The following MS4A14 variants were observed in gnomAD, a reference collection of about 807,000 sequenced individuals.
MS4A14 encodes the protein membrane-spanning 4-domains subfamily A member 14.
MS4A14 carries 18 observed loss-of-function variants against 16.7 expected under a neutral mutation model. The ratio of observed to expected loss-of-function variants is 1.08; its 90% CI spans 0.75 to 1.60. MS4A14 has a LOEUF of 1.60. Ranked by LOEUF, MS4A14 falls within the 40% of genes most tolerant of loss-of-function variation. MS4A14 has a pLI of 0.00. For missense variants in MS4A14, 812 were observed against 775.3 expected (o/e 1.05, Z -0.56); for synonymous variants, 305 against 289.4 (o/e 1.05, Z -0.55).
At chr11:60,405,939 T>C (rs761282641) in intron 4 of MS4A14, 1 of 1,534,068 alleles carries the variant, frequency 6.5e-7, no homozygotes, top group African/African-American at 1.4e-5. Context: ...TCAGCATCTC[T>C]GTGACTATTG....
chr11:60,407,426 C>A (rs1218605474), intron 4 of MS4A14, among the ~76,000 whole-genome samples: 1 of 152,174 alleles, frequency 6.6e-6, no homozygotes, highest in East Asian at 1.9e-4. Flanking sequence ...ATTTTCACTT[C>A]TCCTGGAGTG....
At chr11:60,406,769 C>T (rs1169171557) in intron 4 of MS4A14, among the ~76,000 whole-genome samples, 1 of 152,080 alleles carries the variant, frequency 6.6e-6, no homozygotes, top group Non-Finnish European at 1.5e-5. Context: ...TAGTGCATTC[C>T]TAGCATCCCG....
Position 60,397,097 on chromosome 11 carries a change from C to CA in MS4A14, c.138+384dup, listed in dbSNP as rs564066378. ...AAGGCATGCAAAACGTTTTTCATCA[C>CA]AAATGCACCCAGGGGAGAGCTGTAT... On this transcript the variant is annotated intron_variant, in intron 1 of 4. Coordinates refer to ENST00000300187, the MANE Select transcript of MS4A14 (RefSeq NM_032597.5). 3.3e-5 allele frequency among the ~76,000 whole-genome samples: 5 copies of CA among 152,308 alleles called. No homozygotes were observed. The South Asian group carries it at 1.0e-3, about 32-fold the overall frequency.
At chr11:60,407,474 C>A (rs765533487) in intron 4 of MS4A14, among the ~76,000 whole-genome samples, 2 of 152,044 alleles carry the variant, frequency 1.3e-5, no homozygotes, top group Non-Finnish European at 2.9e-5. Flanking sequence ...GTATGGTAAC[C>A]AGATGTTTAA....
Position 60,400,440 on chromosome 11 carries a change from A to G in MS4A14, c.304A>G (p.Lys102Glu). The G allele has an allele frequency of 2.5e-6, 4 of 1,607,054 alleles. No individual in the cohort carries two copies. Among genetic ancestry groups the G allele is most frequent in the South Asian group, 2.2e-5 (2 of 90,336 alleles). The stretch of plus-strand genomic sequence containing the variant: ...AGGATACCTCACAGTAACCGATAAG[A>G]AATCAAAACTTCTGGTAAGCCACTT... ...LTGYLTVTDK[K>E]SKLLGQGVTG... is the part of the protein sequence containing the mutation. The change falls in exon 3 of 5, where the codon AAA becomes GAA. Residue 102 changes from lysine (K) to glutamate (E), a missense_variant. Coordinates refer to ENST00000300187, the MANE Select transcript of MS4A14 (RefSeq NM_032597.5).
chr11:60,403,165 A>C lies in MS4A14; in HGVS notation c.468+104A>C, dbSNP rs149470286. 2.3e-6 allele frequency: 3 copies of C among 1,314,980 alleles called. No homozygotes were observed. The African/African-American group carries it at 4.3e-5, about 19-fold the overall frequency. 81.5% of individuals were successfully genotyped at this position (1,314,980 alleles called of 1,614,324 possible). On this transcript the variant is annotated intron_variant, in intron 4 of 4. Coordinates refer to ENST00000300187, the MANE Select transcript of MS4A14 (RefSeq NM_032597.5). The stretch of plus-strand genomic sequence containing the variant: ...TTATTTTATTAAATGAAGTTGTGTC[A>C]GCATTTGAACTGACGGTTGAGAAGG...
chr11:60,402,412 A>G (rs1023016667), intron 3 of MS4A14, among the ~76,000 whole-genome samples: 2 of 152,152 alleles, frequency 1.3e-5, no homozygotes, highest in Non-Finnish European at 2.9e-5. Flanking sequence ...GGCCTAATGC[A>G]GTACTCACAT....
intron 3 of MS4A14, among the ~76,000 whole-genome samples, 159 bp downstream of exon 3, chr11:60,400,613 G>A (rs1399737967): frequency 6.6e-6 from 1 of 152,146 alleles, no homozygotes; most frequent in African/African-American, 2.4e-5. Flanking sequence ...CTGTTTGCCT[G>A]ACAGACATTC....
chr11:60,407,013 T>C (rs1284118310), intron 4 of MS4A14, among the ~76,000 whole-genome samples: 1 of 129,424 alleles, frequency 7.7e-6, no homozygotes, highest in Admixed American at 7.8e-5. Context: ...TACCTTTTTT[T>C]TTTTTTTTTT....
intron 3 of MS4A14, among the ~76,000 whole-genome samples, chr11:60,402,180 C>CA (rs2085724328): frequency 1.3e-5 from 2 of 151,442 alleles, no homozygotes; most frequent in South Asian, 2.1e-4. Flanking sequence ...CACCCCCCTC[C>CA]AAAAAAATAA....
chr11:60,412,300 A>C (rs1475275082), intron 4 of MS4A14, among the ~76,000 whole-genome samples: 1 of 151,524 alleles, frequency 6.6e-6, no homozygotes, highest in African/African-American at 2.4e-5. Context: ...AGAGTTTGAG[A>C]ATAATTGTTT....
chr11:60,410,815 G>A (rs2085857244), intron 4 of MS4A14, among the ~76,000 whole-genome samples: 1 of 145,180 alleles, frequency 6.9e-6, no homozygotes, highest in African/African-American at 2.6e-5. Flanking sequence ...CTTATGCCAG[G>A]TACCATATTT....
chr11:60,412,743 C>G (rs1025592542), intron 4 of MS4A14, among the ~76,000 whole-genome samples: 2 of 151,924 alleles, frequency 1.3e-5, no homozygotes, highest in Admixed American at 6.6e-5. Flanking sequence ...TTCTGCCCCA[C>G]TAAAATTATG....
At chr11:60,409,588 T>C (rs927292363) in intron 4 of MS4A14, among the ~76,000 whole-genome samples, 1 of 149,292 alleles carries the variant, frequency 6.7e-6, no homozygotes, top group African/African-American at 2.4e-5. Context: ...TTTATATATA[T>C]ATATATTACA....
intron 4 of MS4A14, among the ~76,000 whole-genome samples, chr11:60,411,890 T>C (rs1399404937): frequency 6.6e-6 from 1 of 152,138 alleles, no homozygotes; most frequent in Non-Finnish European, 1.5e-5. Flanking sequence ...GAGTATGATA[T>C]TAGCTGTGGG....
rs1468759180 is a variant in MS4A14 at position 60,416,553 on chromosome 11, A to G, written c.1585A>G (p.Lys529Glu). ...DQQSKGWQSP[K>E]QKSLDQQIKD... ...GCAAAGCAAAGGCTGGCAATCTCCA[A>G]AGCAGAAATCCTTAGACCAGCAAAT... Residue 529 changes from lysine (K) to glutamate (E), a missense_variant, in exon 5 of 5, where the codon AAG (lysine) becomes GAG (glutamate). Coordinates refer to ENST00000300187, the MANE Select transcript of MS4A14 (RefSeq NM_032597.5). 3.7e-6 allele frequency: 6 copies of G among 1,613,864 alleles called. No individual in the cohort carries two copies.
intron 3 of MS4A14, among the ~76,000 whole-genome samples, chr11:60,401,729 G>T (rs892982814): frequency 6.6e-6 from 1 of 152,196 alleles, no homozygotes; most frequent in Non-Finnish European, 1.5e-5. Flanking sequence ...ACACATGAGG[G>T]ATTGATTATC....
chr11:60,415,505 AT>A lies in MS4A14; in HGVS notation c.539del (p.Leu180TyrfsTer31). ...AACCTGCCCCAGAAGAAAATGATCA[AT>A]TACAATTTGTGCTTCAAGAAGAGTT... ...EQPAPEENDQ[L>X]QFVLQEEFSS... On this transcript the variant is annotated frameshift_variant, in exon 5 of 5. Transcript: ENST00000300187. LOFTEE classifies it low-confidence loss of function (END_TRUNC). 1 of 1,613,594 alleles carries A rather than the reference AT, an allele frequency of 6.2e-7. No individual in the cohort carries two copies. Among genetic ancestry groups the A allele is most frequent in the South Asian group, 1.1e-5 (1 of 91,030 alleles).
rs2085960181 is a variant in MS4A14 at position 60,417,121 on chromosome 11, C to T, written c.*113C>T. ...AAGCCCTAAAGCAGAAAGCTCTATA[C>T]CAAGAAGTCCAAACCCAGCACGCAA... On this transcript the variant is annotated 3_prime_UTR_variant, in exon 5 of 5. Transcript: ENST00000300187. 7.5e-7 allele frequency: 1 copy of T among 1,336,096 alleles called. No homozygotes were observed. Among genetic ancestry groups the T allele is most frequent in the African/African-American group, 1.5e-5 (1 of 67,812 alleles). 82.8% of individuals were successfully genotyped at this position (1,336,096 alleles called of 1,614,324 possible).
Sources: allele counts gnomAD v4.1 joint callset (sites outside exome capture counted in the v4.1 genomes callset), GRCh38; gene constraint gnomAD v4.1.1; transcripts MANE v1.5; gene names NCBI Gene and HGNC (gene_info 2026-07-23, HGNC 2026-07-21).